The following CD109 variants were observed in gnomAD, a reference collection of about 807,000 sequenced individuals.
CD109 encodes the protein CD109 antigen.
Under a neutral mutation model 165.8 loss-of-function variants are expected in CD109, and 149 were observed. That is an observed-to-expected ratio of 0.90 (90% CI 0.79 to 1.03). The LOEUF is 1.03. Ranked by LOEUF, CD109 falls within the 50% of genes least tolerant of loss-of-function variation. CD109 has a pLI of 0.00. For missense variants in CD109, 1,712 were observed against 1,677.8 expected, an observed-to-expected ratio of 1.02 and a Z score of -0.36; for synonymous variants, 585 against 592.1, an observed-to-expected ratio of 0.99 and a Z score of 0.18.
At chr6:73,697,340 C>A in intron 1 of CD109, 60 bp from the exon 2 acceptor site, 1 of 1,524,128 alleles carries the variant, frequency 6.6e-7, no homozygotes, top group Non-Finnish European at 9.0e-7. Flanking sequence ...CTGAGGGTCA[C>A]AAAAGAAAGG....
At chr6:73,741,721 G>T (rs887568041) in intron 5 of CD109, among the ~76,000 whole-genome samples, 3 of 152,080 alleles carry the variant, frequency 2.0e-5, no homozygotes, top group Admixed American at 2.0e-4. Context: ...GACCAGTCTG[G>T]AGTGCAGTGT....
At position 73,783,709 on chromosome 6, in the gene CD109, A is replaced by C. The variant is rs10455097; in HGVS notation, c.2108A>C (p.Tyr703Ser). The change falls in exon 19 of 33, where the codon TAC becomes TCC. Residue 703 changes from tyrosine to serine, a missense_variant and splice_region_variant. Physicochemically the swap from Tyr to Ser is moderately radical, Grantham distance 144. Coordinates refer to ENST00000287097, the MANE Select transcript of CD109 (RefSeq NM_133493.5). The stretch of plus-strand genomic sequence containing the variant: ...TATATTTATTATCTTGACTTCAGTT[A>C]CAGGATTTACCAAGAATTTGAAGTA... ...TWIWLDTNMG[Y>S]RIYQEFEVTV... The C allele has an allele frequency of 0.51, 807,831 of 1,573,170 alleles. 209,847 individuals are homozygous for C. The highest frequency in any genetic ancestry group is 0.65 in the African/African-American group (48,447 of 74,070).
the CD109 span, among the ~76,000 whole-genome samples, chr6:73,690,367 TTTTG>T: frequency 6.6e-6 from 1 of 152,240 alleles, no homozygotes; most frequent in South Asian, 2.1e-4. Context: ...TTTTTATTCC[TTTTG>T]TTTGTTTTAT....
At chr6:73,743,457 A>G (rs1772867074) in intron 5 of CD109, among the ~76,000 whole-genome samples, 1 of 152,222 alleles carries the variant, frequency 6.6e-6, no homozygotes, top group Non-Finnish European at 1.5e-5. Flanking sequence ...TGCATCTAAC[A>G]GTTATATCTA....
At chr6:73,780,375 G>A in intron 15 of CD109, 49 bp from the exon 16 acceptor site, 1 of 1,114,034 alleles carries the variant, frequency 9.0e-7, no homozygotes, top group Non-Finnish European at 1.4e-6. Flanking sequence ...AAGAAGTGTG[G>A]AAAGTTGTTA....
intron 15 of CD109, among the ~76,000 whole-genome samples, chr6:73,773,167 C>T (rs1362990608): frequency 6.6e-6 from 1 of 150,622 alleles, no homozygotes; most frequent in East Asian, 1.9e-4. Context: ...CACTCTGTCT[C>T]TATTTACATT....
At chr6:73,806,652 TAGAGAG>T (rs1775576631) in intron 24 of CD109, among the ~76,000 whole-genome samples, 186 bp from the exon 25 acceptor site, 1 of 152,220 alleles carries the variant, frequency 6.6e-6, no homozygotes, top group Admixed American at 6.5e-5. Context: ...TTCTGCCTGC[TAGAGAG>T]AGTTGCTTAC....
rs141389847 is a variant in CD109, at chr6:73,771,258, C to A, written c.1675-171C>A. On this transcript the variant is annotated intron_variant, in intron 14 of 32. Coordinates refer to ENST00000287097, the MANE Select transcript of CD109 (RefSeq NM_133493.5). ...TTCTATGACTTGCAAACACTCTGGG[C>A]GTAGTTTTTTTATTCCTTTCCCTAG... Among the ~76,000 whole-genome samples the A allele has an allele frequency of 1.1e-3, 170 of 152,208 alleles. 1 individual carries two copies. The highest frequency in any genetic ancestry group is 3.9e-3 in the African/African-American group (162 of 41,532).
At chr6:73,761,786 G>A (rs912774338) in intron 7 of CD109, among the ~76,000 whole-genome samples, 3 of 152,034 alleles carry the variant, frequency 2.0e-5, no homozygotes, top group African/African-American at 7.2e-5. Context: ...CTCCCAAAGT[G>A]CTGGGATTAC....
chr6:73,795,312 G>A (rs565259204), intron 23 of CD109, among the ~76,000 whole-genome samples: 67 of 151,016 alleles, frequency 4.4e-4, no homozygotes, highest in Non-Finnish European at 8.5e-4. Flanking sequence ...TAAACAGAAA[G>A]CATAAATTTT....
chr6:73,823,577 T>C lies in CD109; in HGVS notation c.4282T>C (p.Ser1428Pro), dbSNP rs764408930. 5.6e-6 allele frequency: 9 copies of C among 1,613,758 alleles called. No individual in the cohort carries two copies. In the African/African-American group the frequency reaches 1.2e-4, roughly 22 times the overall value. ...DGASGSHHHS[S>P]VIFIFCFKLL... ...AGCTTCAGGCTCCCATCATCACTCTTCAGTCATTTTTATTTTCTGTTTCAA... is the reference window on the plus strand; with the variant it reads ...AGCTTCAGGCTCCCATCATCACTCTCCAGTCATTTTTATTTTCTGTTTCAA... Residue 1428 changes from serine to proline, a missense_variant, in exon 33 of 33, where the codon TCA becomes CCA. Transcript: ENST00000287097.
intron 2 of CD109, among the ~76,000 whole-genome samples, chr6:73,717,575 A>G (rs1397297258): frequency 9.6e-6 from 1 of 104,700 alleles, no homozygotes; most frequent in Non-Finnish European, 2.1e-5. Context: ...TCTTTTTCAG[A>G]TTGTTCACTG....
intron 2 of CD109, among the ~76,000 whole-genome samples, chr6:73,705,197 T>C (rs1771220754): frequency 6.6e-6 from 1 of 152,152 alleles, no homozygotes; most frequent in Non-Finnish European, 1.5e-5. Flanking sequence ...GTTTTGAAAT[T>C]GCAGCTGGGG....
the CD109 span, among the ~76,000 whole-genome samples, chr6:73,688,861 C>T: frequency 3.4e-5 from 5 of 148,608 alleles, no homozygotes; most frequent in East Asian, 2.0e-4. Flanking sequence ...CTCAATCTCC[C>T]AGACTCAAGT....
intron 26 of CD109, 46 bp downstream of exon 26, chr6:73,808,294 A>G (rs770282585): frequency 2.2e-5 from 34 of 1,559,428 alleles, no homozygotes; most frequent in Non-Finnish European, 2.8e-5. Context: ...TATGAAATAT[A>G]TAACTTACAT....
chr6:73,762,078 T>C (rs1773657428), intron 7 of CD109, among the ~76,000 whole-genome samples: 1 of 152,134 alleles, frequency 6.6e-6, no homozygotes, highest in Admixed American at 6.5e-5. Flanking sequence ...TTCTCCTGCC[T>C]CAGCCTCCAA....
intron 6 of CD109, 120 bp downstream of exon 6, chr6:73,756,802 G>T: frequency 3.1e-6 from 2 of 655,120 alleles, no homozygotes; most frequent in Non-Finnish European, 4.8e-6. Context: ...TAAAATTCTG[G>T]TGTTTTTTAA....
At chr6:73,707,962 T>TTATTTATA (rs1771349998) in intron 2 of CD109, among the ~76,000 whole-genome samples, 1 of 126,820 alleles carries the variant, frequency 7.9e-6, no homozygotes, top group Admixed American at 7.8e-5. Flanking sequence ...ATTGTTATCT[T>TTATTTATA]TATATATATA....
intron 18 of CD109, 41 bp downstream of exon 18, chr6:73,782,796 T>A: frequency 6.3e-7 from 1 of 1,597,026 alleles, no homozygotes; most frequent in Admixed American, 1.7e-5. Flanking sequence ...ATATTTTGTT[T>A]AGTGTTTGTT....
Sources: gnomAD v4.1 joint callset for allele counts (sites outside exome capture counted in the v4.1 genomes callset) on GRCh38, gnomAD v4.1.1 for gene constraint, MANE v1.5 for transcripts, NCBI Gene and HGNC (gene_info 2026-07-23, HGNC 2026-07-21) for gene names.